The following OSCP1 variants were observed in gnomAD, a reference collection of about 807,000 sequenced individuals.
The protein encoded by OSCP1 is protein OSCP1.
Under a neutral mutation model 45.1 loss-of-function variants are expected in OSCP1, and 35 were observed. That is an observed-to-expected ratio of 0.78 (90% confidence interval 0.59 to 1.03). The LOEUF is 1.03. Among genes scored for constraint, OSCP1 ranks in the 50% least tolerant of loss-of-function variants. OSCP1 has a pLI of 0.00. For synonymous variants in OSCP1, 179 were observed against 180.1 expected (o/e 0.99, Z 0.05); for missense variants, 400 against 470.7 (o/e 0.85, Z 1.39).
At chr1:36,435,259 G>C (rs904754867) in intron 2 of OSCP1, among the ~76,000 whole-genome samples, 1 of 151,212 alleles carries the variant, frequency 6.6e-6, no homozygotes, top group African/African-American at 2.4e-5. Flanking sequence ...TGTGTGACCA[G>C]CTAGTTCTTC....
Position 36,418,071 on chromosome 1 carries a change from G to T in OSCP1, c.*68C>A. ...AACTAGCAGCATCATTCTGGGCCATGGGGCATTCCCCAGGGGTCACCATCC... is the reference window on the plus strand; with the variant it reads ...AACTAGCAGCATCATTCTGGGCCATTGGGCATTCCCCAGGGGTCACCATCC... On this transcript the variant is annotated 3_prime_UTR_variant, in exon 10 of 10. Transcript: ENST00000235532. 7.7e-7 allele frequency: 1 copy of T among 1,291,148 alleles called. No individual in the cohort carries two copies. Among genetic ancestry groups the T allele is most frequent in the Admixed American group, 1.9e-5 (1 of 53,956 alleles). 80.0% of individuals were successfully genotyped at this position (1,291,148 alleles called of 1,614,324 possible).
At chr1:36,432,675 T>A (rs1648453398) in intron 2 of OSCP1, 86 bp from the exon 3 acceptor site, 1 of 1,525,762 alleles carries the variant, frequency 6.6e-7, no homozygotes, top group African/African-American at 1.4e-5. Flanking sequence ...GTCAAGCATT[T>A]ACTGAAAACC....
chr1:36,431,792 A>G lies in OSCP1; in HGVS notation c.516+10T>C. On this transcript the variant is annotated intron_variant, in intron 4 of 9. Transcript: ENST00000235532. ...CTCCTGAGTGTTCCCAGGGCTGCCT[A>G]TTGACTTACTCGGATGTGCAGGTCT... 2 of 1,613,004 alleles carry G rather than the reference A, an allele frequency of 1.2e-6. No individual in the cohort carries two copies. The highest frequency in any genetic ancestry group is 2.2e-5 in the South Asian group (2 of 91,006).
In OSCP1 at chr1:36,418,981, C is replaced by T; in HGVS notation, c.1023+10G>A. On this transcript the variant is annotated intron_variant, in intron 9 of 9. Transcript: ENST00000235532. The stretch of plus-strand genomic sequence containing the variant: ...ATACGATTGGACCCTGTGTTATCCC[C>T]TGTACGTACCTGGGTGGCTTGTATG... 6.3e-7 allele frequency: 1 copy of T among 1,591,824 alleles called. No individual in the cohort carries two copies. Among genetic ancestry groups the T allele is most frequent in the Non-Finnish European group, 8.6e-7 (1 of 1,159,966 alleles).
At chr1:36,428,902 G>A (rs1373776801) in intron 4 of OSCP1, among the ~76,000 whole-genome samples, 14 of 152,186 alleles carry the variant, frequency 9.2e-5, no homozygotes, top group Non-Finnish European at 2.9e-5. Flanking sequence ...CCGAGATTGT[G>A]CCACTGCATT....
chr1:36,421,860 CG>C (rs559985545), intron 7 of OSCP1: 1 of 447,738 alleles, frequency 2.2e-6, no homozygotes, highest in Non-Finnish European at 4.1e-6. Flanking sequence ...TCAGCAATCA[CG>C]GACCTAATGG....
rs67376533 is a variant in OSCP1 at position 36,449,835 on chromosome 1, CAAAAAAAAAAAAAAA to C, written c.112+408_112+422del. 9.8e-4 allele frequency among the ~76,000 whole-genome samples: 20 copies of C among 20,336 alleles called. No individual in the cohort carries two copies. In the South Asian group the frequency reaches 0.015, roughly 15 times the overall value. 13.3% of individuals were successfully genotyped at this position (20,336 alleles called of 152,430 possible). Reference sequence around the variant, plus strand: ...TGGGCGACAGAGCGAGACCCTGTCTCAAAAAAAAAAAAAAAAAAAAAAAAAAAAAAAAATCAGAAC... The same window carrying C: ...TGGGCGACAGAGCGAGACCCTGTCTCAAAAAAAAAAAAAAAAAATCAGAAC... On this transcript the variant is annotated intron_variant, in intron 1 of 9. Transcript: ENST00000235532.
At chr1:36,422,310 G>T in intron 6 of OSCP1, 91 bp from the exon 7 acceptor site, 1 of 1,216,766 alleles carries the variant, frequency 8.2e-7, no homozygotes, top group Non-Finnish European at 1.2e-6. Flanking sequence ...CTTTTATTCT[G>T]AGACATTAAA....
At position 36,432,441 on chromosome 1, in the gene OSCP1, G is replaced by A. The variant is rs753948955; in HGVS notation, c.416C>T (p.Thr139Ile). 6.2e-7 allele frequency: 1 copy of A among 1,614,118 alleles called. No individual in the cohort carries two copies. Among genetic ancestry groups the A allele is most frequent in the Admixed American group, 1.7e-5 (1 of 60,014 alleles). ...TCTTACTTCTGTCAGCTGCCGCAAA[G>A]TCTCGTCCACTTGCTGCAGGATGGT... is the stretch of plus-strand genomic sequence containing the variant. ...SPTILQQVDETLRQLTEIYGG... is the reference protein window; with the variant it reads ...SPTILQQVDEILRQLTEIYGG... Residue 139 changes from threonine (T) to isoleucine (I), a missense_variant, in exon 3 of 10, where the codon ACT (threonine) becomes ATT (isoleucine). Physicochemically the swap from Thr to Ile is moderately conservative, Grantham distance 89. Coordinates refer to ENST00000235532, the MANE Select transcript of OSCP1 (RefSeq NM_145047.5).
chr1:36,431,577 A>G (rs545969773), intron 4 of OSCP1, among the ~76,000 whole-genome samples: 15 of 151,614 alleles, frequency 9.9e-5, no homozygotes, highest in African/African-American at 3.7e-4. Flanking sequence ...TATATTTCCA[A>G]GAAACTCACA....
At position 36,418,102 on chromosome 1, in the gene OSCP1, C is replaced by G; in HGVS notation, c.*37G>C. Reference sequence around the variant, plus strand: ...TTCCCCAGGGGTCACCATCCAGCAGCCTCTCCCTGGGGGCAGAGGACGCCT... The same window carrying G: ...TTCCCCAGGGGTCACCATCCAGCAGGCTCTCCCTGGGGGCAGAGGACGCCT... On this transcript the variant is annotated 3_prime_UTR_variant, in exon 10 of 10. Transcript: ENST00000235532. 6.3e-7 allele frequency: 1 copy of G among 1,577,408 alleles called. No homozygotes were observed.
At chr1:36,435,410 G>A (rs1648659972) in intron 2 of OSCP1, among the ~76,000 whole-genome samples, 1 of 151,930 alleles carries the variant, frequency 6.6e-6, no homozygotes, top group Admixed American at 6.6e-5. Flanking sequence ...GCCTCTCAAA[G>A]TGCTGGGATT....
chr1:36,448,691 G>A (rs1459643683), intron 1 of OSCP1, among the ~76,000 whole-genome samples: 1 of 152,204 alleles, frequency 6.6e-6, no homozygotes, highest in African/African-American at 2.4e-5. Flanking sequence ...GGATTGAAGG[G>A]GAAGAATGTA....
At chr1:36,427,362 A>T (rs897361972) in intron 4 of OSCP1, among the ~76,000 whole-genome samples, 13 of 143,896 alleles carry the variant, frequency 9.0e-5, no homozygotes, top group African/African-American at 5.3e-5. Flanking sequence ...AGTGAACATG[A>T]TCATAGCTTA....
intron 1 of OSCP1, among the ~76,000 whole-genome samples, chr1:36,442,985 G>A (rs1649292744): frequency 6.6e-6 from 1 of 151,964 alleles, no homozygotes; most frequent in Non-Finnish European, 1.5e-5. Context: ...TATTTTTGAA[G>A]TGGAGTCTCG....
chr1:36,450,242 GC>G lies in OSCP1; in HGVS notation c.112+15del. ...GCTGGCTGCGGGTCTGGCTGAGCGG[GC>G]CGGGGGCCTCTCACCTTTGCGGGCC... On this transcript the variant is annotated intron_variant, in intron 1 of 9. Coordinates refer to ENST00000235532, the MANE Select transcript of OSCP1 (RefSeq NM_145047.5). 1 of 1,604,888 alleles carries G rather than the reference GC, an allele frequency of 6.2e-7. No homozygotes were observed. Among genetic ancestry groups the G allele is most frequent in the African/African-American group, 1.3e-5 (1 of 74,604 alleles).
At chr1:36,422,714 T>A in intron 6 of OSCP1, 54 bp downstream of exon 6, 10 of 1,399,548 alleles carry the variant, frequency 7.1e-6, no homozygotes, top group South Asian at 1.6e-5. Context: ...TTTTTTTTTT[T>A]AAATGAAGTG....
intron 1 of OSCP1, among the ~76,000 whole-genome samples, chr1:36,448,357 G>A (rs12095152): frequency 0.011 from 1,669 of 152,258 alleles, 29 homozygotes; most frequent in African/African-American, 0.039. Context: ...AGGCACCAAG[G>A]AAAACAGAAC....
At position 36,438,317 on chromosome 1, in the gene OSCP1, C is replaced by CAAAAAAA. The variant is rs35430845; in HGVS notation, c.267+432_267+438dup. Among the ~76,000 whole-genome samples the CAAAAAAA allele has an allele frequency of 5.4e-5, 4 of 73,786 alleles. 1 individual carries two copies. The highest frequency in any genetic ancestry group is 6.0e-5 in the African/African-American group (1 of 16,756). The allele number at this position is 73,786 out of a possible 152,430, so 48.4% of individuals were successfully genotyped here. A position where few individuals can be genotyped will look rare whatever the true frequency, so the allele number is the denominator to read the frequency against. ...GGGCAACAAGAGCGAAACTCCATCT[C>CAAAAAAA]AAAAAAAAAAAAAAAAAAAAAAAAT... On this transcript the variant is annotated intron_variant, in intron 2 of 9. Coordinates refer to ENST00000235532, the MANE Select transcript of OSCP1 (RefSeq NM_145047.5).
Sources: gnomAD v4.1 joint callset for allele counts (sites outside exome capture counted in the v4.1 genomes callset) on GRCh38, gnomAD v4.1.1 for gene constraint, MANE v1.5 for transcripts, NCBI Gene and HGNC (gene_info 2026-07-23, HGNC 2026-07-21) for gene names.